Variants in BPIFB1 observed in about 807,000 individuals in gnomAD.
BPIFB1 encodes the protein BPI fold containing family B member 1.
BPIFB1 carries 34 observed loss-of-function variants against 55.1 expected under a neutral mutation model. The ratio of observed to expected loss-of-function variants is 0.62; its 90% CI spans 0.47 to 0.82. BPIFB1 has a LOEUF of 0.82. BPIFB1 is among the 40% of genes least tolerant of loss of function. The probability of loss-of-function intolerance (pLI) is 0.00; values close to 1 mark genes in which losing one functional copy is unlikely to be tolerated. For missense variants in BPIFB1, 532 were observed against 593.1 expected, an observed-to-expected ratio of 0.90 and a Z score of 1.07; for synonymous variants, 236 against 245.3, an observed-to-expected ratio of 0.96 and a Z score of 0.35.
chr20:33,307,230 T>G (rs1043785967), intron 15 of BPIFB1: 10 of 501,132 alleles, frequency 2.0e-5, no homozygotes, highest in African/African-American at 1.0e-4. Context: ...CATTCATTCA[T>G]TCATTCAGTA....
intron 11 of BPIFB1, 96 bp downstream of exon 11, chr20:33,303,170 C>A: frequency 6.8e-7 from 1 of 1,473,994 alleles, no homozygotes; most frequent in Non-Finnish European, 9.3e-7. Context: ...ATTTCCACCA[C>A]TCTCATCACT....
intron 1 of BPIFB1, among the ~76,000 whole-genome samples, chr20:33,285,523 C>T (rs1214464322): frequency 1.3e-5 from 2 of 151,350 alleles, no homozygotes; most frequent in East Asian, 3.9e-4. Flanking sequence ...ACCATCCTGG[C>T]TAACACGGTG....
intron 15 of BPIFB1, chr20:33,307,213 A>G: frequency 2.2e-6 from 1 of 449,128 alleles, no homozygotes; most frequent in Non-Finnish European, 3.9e-6. Flanking sequence ...CCCCCTTGTC[A>G]TTCATTCATT....
In BPIFB1 at chr20:33,291,900, C is replaced by T. The variant is rs777308497; in HGVS notation, c.516-7C>T. ...CCTAATGTCTCTCGTGCTCTCTTCCCTGAAAGGCTCTCCTTCCTGGTGAAC... is the reference window on the plus strand; with the variant it reads ...CCTAATGTCTCTCGTGCTCTCTTCCTTGAAAGGCTCTCCTTCCTGGTGAAC... On this transcript the variant is annotated splice_region_variant and splice_polypyrimidine_tract_variant and intron_variant, in intron 5 of 15. Coordinates refer to ENST00000253354, the MANE Select transcript of BPIFB1 (RefSeq NM_033197.3). The T allele has an allele frequency of 1.7e-5, 27 of 1,613,556 alleles. No homozygotes were observed. Among genetic ancestry groups the T allele is most frequent in the Non-Finnish European group, 1.6e-5 (19 of 1,179,554 alleles).
At chr20:33,284,002 T>G (rs1355135798) in intron 1 of BPIFB1, among the ~76,000 whole-genome samples, 1 of 151,996 alleles carries the variant, frequency 6.6e-6, no homozygotes, top group East Asian at 1.9e-4. Flanking sequence ...GATGCCGGGG[T>G]TCAGCTCTGT....
chr20:33,297,540 G>C lies in BPIFB1; in HGVS notation c.613G>C (p.Glu205Gln). 1.2e-6 allele frequency: 2 copies of C among 1,614,204 alleles called. No individual in the cohort carries two copies. Among genetic ancestry groups the C allele is most frequent in the Non-Finnish European group, 8.5e-7 (1 of 1,180,024 alleles). ...GCTGTTGCAGCTGTGTCCCGTGATC[G>C]AGGCTTCCTTCAATGGCATGTATGC... Reference protein sequence around the residue: ...LVKNQLCPVIEASFNGMYADL... With the variant: ...LVKNQLCPVIQASFNGMYADL... Residue 205 changes from glutamate to glutamine, a missense_variant, in exon 7 of 16, where the codon GAG becomes CAG. Glu to Gln is a conservative substitution (Grantham distance 29). Transcript: ENST00000253354.
chr20:33,301,818 T>A (rs930917621), intron 9 of BPIFB1, among the ~76,000 whole-genome samples: 2 of 152,108 alleles, frequency 1.3e-5, no homozygotes, highest in Non-Finnish European at 1.5e-5. Context: ...TTCTACTGAG[T>A]CTGGATGCTG....
chr20:33,302,855 C>A, intron 10 of BPIFB1, 61 bp from the exon 11 acceptor site: 1 of 1,590,162 alleles, frequency 6.3e-7, no homozygotes, highest in Non-Finnish European at 8.6e-7. Flanking sequence ...AGGCCACACA[C>A]AGAGCCTGTG....
rs1218725041 is a variant in BPIFB1 at position 33,300,115 on chromosome 20, A to T, written c.747+131A>T. 9 of 766,842 alleles carry T rather than the reference A, an allele frequency of 1.2e-5. No individual in the cohort carries two copies. The South Asian group carries it at 1.4e-4, about 12-fold the overall frequency. 47.5% of individuals were successfully genotyped at this position (766,842 alleles called of 1,614,324 possible). A position where few individuals can be genotyped will look rare whatever the true frequency, so the allele number is the denominator to read the frequency against. ...ACCATTAGGACACGGGCTGATCTAG[A>T]AAAATCACTGCAGGCTGAATATGTC... On this transcript the variant is annotated intron_variant, in intron 8 of 15. Coordinates refer to ENST00000253354, the MANE Select transcript of BPIFB1 (RefSeq NM_033197.3).
intron 6 of BPIFB1, among the ~76,000 whole-genome samples, chr20:33,294,164 G>A (rs1980560828): frequency 1.3e-5 from 2 of 152,090 alleles, no homozygotes; most frequent in Non-Finnish European, 2.9e-5. Flanking sequence ...AAAGAGGCCA[G>A]GGAAAAATAA....
chr20:33,288,943 C>T, intron 3 of BPIFB1, 61 bp downstream of exon 3: 2 of 1,537,278 alleles, frequency 1.3e-6, no homozygotes, highest in Non-Finnish European at 1.8e-6. Context: ...CCGGGACACG[C>T]TCTGCATGCT....
Position 33,290,949 on chromosome 20 carries a change from C to T in BPIFB1, c.366-8C>T, listed in dbSNP as rs1980446761. On this transcript the variant is annotated splice_polypyrimidine_tract_variant and splice_region_variant and intron_variant, in intron 4 of 15. Coordinates refer to ENST00000253354, the MANE Select transcript of BPIFB1 (RefSeq NM_033197.3). ...GTGCTCACATGGTCAGGTGCCTCCA[C>T]CCGCTAGGCCCCTGGTCAAGACCAT... is the stretch of plus-strand genomic sequence containing the variant. The T allele has an allele frequency of 8.1e-6, 13 of 1,613,060 alleles. No individual in the cohort carries two copies. Among genetic ancestry groups the T allele is most frequent in the Non-Finnish European group, 1.1e-5 (13 of 1,179,710 alleles).
At chr20:33,290,883 CAG>C in intron 4 of BPIFB1, 72 bp from the exon 5 acceptor site, 1 of 1,533,284 alleles carries the variant, frequency 6.5e-7, no homozygotes, top group South Asian at 1.2e-5. Context: ...GGCTGGAAGA[CAG>C]AGACGGACGG....
At chr20:33,307,349 C>T (rs144439906) in intron 15 of BPIFB1, 196 of 209,076 alleles carry the variant, frequency 9.4e-4, no homozygotes, top group African/African-American at 3.9e-3. Context: ...TCAAGCCTAC[C>T]TTTTAGCAGA....
At chr20:33,295,654 A>G (rs1195866005) in intron 6 of BPIFB1, among the ~76,000 whole-genome samples, 1 of 150,614 alleles carries the variant, frequency 6.6e-6, no homozygotes, top group African/African-American at 2.5e-5. Flanking sequence ...AGAAGAAAGA[A>G]AGAAAGAGAG....
At chr20:33,304,549 C>A (rs1474783665) in intron 12 of BPIFB1, among the ~76,000 whole-genome samples, 1 of 152,162 alleles carries the variant, frequency 6.6e-6, no homozygotes, top group Non-Finnish European at 1.5e-5. Context: ...AACTGTCGAG[C>A]CAGGAATTGG....
chr20:33,299,462 C>T (rs529901085), intron 7 of BPIFB1, among the ~76,000 whole-genome samples: 21 of 152,248 alleles, frequency 1.4e-4, no homozygotes, highest in Non-Finnish European at 2.8e-4. Flanking sequence ...CCCAGAACCA[C>T]CTGCATGGGG....
intron 5 of BPIFB1, 92 bp downstream of exon 5, chr20:33,291,198 G>A: frequency 1.4e-6 from 2 of 1,469,946 alleles, no homozygotes; most frequent in South Asian, 1.3e-5. Flanking sequence ...GGAGAACGCT[G>A]AGGCCTAGAG....
intron 8 of BPIFB1, among the ~76,000 whole-genome samples, 184 bp downstream of exon 8, chr20:33,300,168 T>G (rs1430042749): frequency 6.6e-6 from 1 of 152,198 alleles, no homozygotes; most frequent in East Asian, 1.9e-4. Context: ...GTTTTGTTTT[T>G]TTGAGACTGA....
Sources: allele counts gnomAD v4.1 joint callset (sites outside exome capture counted in the v4.1 genomes callset), GRCh38; gene constraint gnomAD v4.1.1; transcripts MANE v1.5; gene names NCBI Gene and HGNC (gene_info 2026-07-23, HGNC 2026-07-21).